Variants in SGCD observed in about 807,000 individuals in gnomAD.
SGCD encodes delta-sarcoglycan.
Under a neutral mutation model 36.6 loss-of-function variants are expected in SGCD, and 18 were observed. The observed-to-expected ratio is 0.49, with a 90% CI of 0.34 to 0.73. SGCD has a LOEUF of 0.73. Ranked by LOEUF, SGCD falls within the 30% of genes least tolerant of loss-of-function variation. The probability of loss-of-function intolerance (pLI) is 0.01; values close to 1 mark genes in which losing one functional copy is unlikely to be tolerated. For synonymous variants in SGCD, 133 were observed against 130.6 expected (o/e 1.02, Z -0.12); for missense variants, 387 against 346.7 (o/e 1.12, Z -0.92).
intron 3 of SGCD, among the ~76,000 whole-genome samples, chr5:156,132,458 CTTTTTTT>C (rs573278623): frequency 4.2e-4 from 22 of 51,790 alleles, no homozygotes; most frequent in Admixed American, 7.2e-4. Flanking sequence ...CTTACCAAGT[CTTTTTTT>C]TTTTTTTTTT....
intron 6 of SGCD, among the ~76,000 whole-genome samples, chr5:156,629,226 C>T (rs1015783311): frequency 6.6e-6 from 1 of 152,024 alleles, no homozygotes; most frequent in African/African-American, 2.4e-5. Context: ...TATGCTCATG[C>T]AAAAACAATG....
At chr5:156,278,163 G>T (rs1301411082) in intron 3 of SGCD, among the ~76,000 whole-genome samples, 29 of 152,220 alleles carry the variant, frequency 1.9e-4, no homozygotes, top group Non-Finnish European at 1.0e-4. Flanking sequence ...AGACAGAAGA[G>T]AAACTGAAAG....
intron 1 of SGCD, among the ~76,000 whole-genome samples, chr5:155,997,074 T>A (rs914199291): frequency 1.3e-5 from 2 of 152,240 alleles, no homozygotes; most frequent in African/African-American, 4.8e-5. Flanking sequence ...TCAGTTTATC[T>A]TTCTTGTTGA....
At chr5:155,981,758 A>C (rs573153787) in intron 1 of SGCD, among the ~76,000 whole-genome samples, 1 of 151,994 alleles carries the variant, frequency 6.6e-6, no homozygotes, top group Non-Finnish European at 1.5e-5. Context: ...TATCCTGCCC[A>C]TCCTGGGGGC....
At chr5:156,045,423 A>G (rs896385732) in intron 1 of SGCD, among the ~76,000 whole-genome samples, 7 of 152,268 alleles carry the variant, frequency 4.6e-5, no homozygotes, top group Middle Eastern at 3.4e-3. Context: ...CCCATGCTAC[A>G]TTAAAATTTT....
chr5:156,715,788 C>T (rs1454755294), intron 7 of SGCD, among the ~76,000 whole-genome samples: 1 of 152,128 alleles, frequency 6.6e-6, no homozygotes, highest in African/African-American at 2.4e-5. Context: ...AGAGATCATC[C>T]TCATATTGAT....
intron 1 of SGCD, among the ~76,000 whole-genome samples, chr5:156,098,578 A>T (rs569252397): frequency 8.6e-5 from 13 of 151,074 alleles, no homozygotes; most frequent in African/African-American, 2.9e-4. Flanking sequence ...ATTAAATGAG[A>T]GCCTATGGTT....
At chr5:155,873,050 G>A (rs1755687578) in intron 1 of SGCD, among the ~76,000 whole-genome samples, 1 of 152,092 alleles carries the variant, frequency 6.6e-6, no homozygotes, top group African/African-American at 2.4e-5. Flanking sequence ...CTGGACAAAG[G>A]CACAATGTAG....
chr5:156,556,097 A>C (rs1759007667), intron 4 of SGCD, among the ~76,000 whole-genome samples: 1 of 149,508 alleles, frequency 6.7e-6, no homozygotes, highest in Admixed American at 6.7e-5. Context: ...AATATCTAAG[A>C]AAATACTTTC....
chr5:156,264,753 C>A (rs183108632), intron 3 of SGCD, among the ~76,000 whole-genome samples: 119 of 152,242 alleles, frequency 7.8e-4, no homozygotes, highest in Non-Finnish European at 1.4e-3. Context: ...GTTAACCAAG[C>A]TCAGAGCACT....
In SGCD at chr5:156,726,824, GC is replaced by G. The variant is rs1755798562; in HGVS notation, c.576-30755del. Among the ~76,000 whole-genome samples the G allele has an allele frequency of 2.0e-5, 3 of 152,294 alleles. No homozygotes were observed. The South Asian group carries it at 6.2e-4, about 32-fold the overall frequency. On this transcript the variant is annotated intron_variant, in intron 7 of 8. Coordinates refer to ENST00000337851, the MANE Select transcript of SGCD (RefSeq NM_000337.6). ...AAGTGTAATCAGTGCTGATGTTAGG[GC>G]CAGAATGGTTGGGTTCAAAACCAAG...
the SGCD span, among the ~76,000 whole-genome samples, chr5:155,854,236 T>C: frequency 1.3e-5 from 2 of 152,156 alleles, no homozygotes; most frequent in Non-Finnish European, 2.9e-5. Flanking sequence ...ACTCACTAGA[T>C]GCCAGAAGCA....
chr5:156,418,453 C>T (rs190274969), intron 3 of SGCD, among the ~76,000 whole-genome samples: 1 of 152,274 alleles, frequency 6.6e-6, no homozygotes, highest in Non-Finnish European at 1.5e-5. Context: ...AGGACACCAC[C>T]TCTGCTGCTA....
At chr5:155,741,951 C>T in the SGCD span, among the ~76,000 whole-genome samples, 1 of 152,114 alleles carries the variant, frequency 6.6e-6, no homozygotes, top group Non-Finnish European at 1.5e-5. Context: ...TCCCAAAGTG[C>T]TGGAATTACA....
intron 3 of SGCD, among the ~76,000 whole-genome samples, chr5:156,188,762 A>C (rs1435483893): frequency 1.3e-5 from 2 of 151,800 alleles, no homozygotes; most frequent in Non-Finnish European, 2.9e-5. Flanking sequence ...CCACCAAAGA[A>C]AACAGTTCTA....
At chr5:155,779,838 T>G in the SGCD span, among the ~76,000 whole-genome samples, 1 of 152,176 alleles carries the variant, frequency 6.6e-6, no homozygotes, top group Non-Finnish European at 1.5e-5. Context: ...TATTTGCTTT[T>G]GTAGTGGGTA....
chr5:156,225,253 T>C (rs2127647786), intron 3 of SGCD, among the ~76,000 whole-genome samples: 1 of 152,204 alleles, frequency 6.6e-6, no homozygotes, highest in East Asian at 1.9e-4. Flanking sequence ...AAAATAATCT[T>C]TGATGATAAG....
intron 1 of SGCD, among the ~76,000 whole-genome samples, chr5:156,016,436 C>T (rs1758980106): frequency 6.6e-6 from 1 of 152,094 alleles, no homozygotes; most frequent in African/African-American, 2.4e-5. Context: ...AGAATATTAA[C>T]AAGATTCCAA....
At chr5:156,082,577 T>C (rs1760984164) in intron 1 of SGCD, among the ~76,000 whole-genome samples, 1 of 152,232 alleles carries the variant, frequency 6.6e-6, no homozygotes, top group South Asian at 2.1e-4. Context: ...CTTTGTATAG[T>C]GGAATAGAAT....
Sources: gnomAD v4.1 joint callset for allele counts (sites outside exome capture counted in the v4.1 genomes callset) on GRCh38, gnomAD v4.1.1 for gene constraint, MANE v1.5 for transcripts, NCBI Gene and HGNC (gene_info 2026-07-23, HGNC 2026-07-21) for gene names.